Variants in ACTR3C observed in about 807,000 individuals in gnomAD.
ACTR3C encodes actin-related protein 3C.
ACTR3C carries 18 observed loss-of-function variants against 26.3 expected under a neutral mutation model. The ratio of observed to expected loss-of-function variants is 0.68; its 90% confidence interval spans 0.47 to 1.01. The LOEUF (loss-of-function observed/expected upper bound fraction) is 1.01, where lower values mean the gene tolerates loss of function less well. Among genes scored for constraint, ACTR3C ranks in the 50% least tolerant of loss-of-function variants. The pLI, the probability that ACTR3C is intolerant of heterozygous loss-of-function variation, is 0.00. For synonymous variants in ACTR3C, 55 were observed against 94.5 expected (o/e 0.58, Z 2.42); for missense variants, 184 against 250.7 (o/e 0.73, Z 1.80).
chr7:150,179,851 T>C, the ACTR3C span, among the ~76,000 whole-genome samples: 1 of 151,654 alleles, frequency 6.6e-6, no homozygotes, highest in East Asian at 1.9e-4. Flanking sequence ...AAAATGCTTT[T>C]CTTAACCACA....
In ACTR3C at chr7:150,272,249, T is replaced by C. The variant is rs1304658036; in HGVS notation, c.564+12504A>G. On this transcript the variant is annotated intron_variant, in intron 6 of 7. Coordinates refer to ENST00000683684, the MANE Select transcript of ACTR3C (RefSeq NM_001164458.2). ...ATTCAGCAGGAGTCTTGATGGGAGA[T>C]TAAACACAAGGAGACGTCCCCCGAG... Among the ~76,000 whole-genome samples the C allele has an allele frequency of 2.9e-5, 4 of 139,032 alleles. 1 individual carries two copies. Among genetic ancestry groups the C allele is most frequent in the South Asian group, 2.5e-4 (1 of 4,020 alleles). 91.2% of individuals were successfully genotyped at this position (139,032 alleles called of 152,430 possible).
the ACTR3C span, among the ~76,000 whole-genome samples, chr7:150,038,038 AT>A: frequency 4.5e-4 from 59 of 130,468 alleles, 5 homozygotes; most frequent in African/African-American, 1.5e-3. Context: ...CCCAAGAGCC[AT>A]GGGGGGAAGA....
intron 6 of ACTR3C, among the ~76,000 whole-genome samples, chr7:150,276,826 C>T (rs1834926610): frequency 6.6e-6 from 1 of 152,274 alleles, no homozygotes; most frequent in Admixed American, 6.5e-5. Flanking sequence ...CTTAACAGGG[C>T]CCCCTGGCTT....
the ACTR3C span, among the ~76,000 whole-genome samples, chr7:150,035,014 GC>G: frequency 6.6e-4 from 94 of 143,372 alleles, 2 homozygotes; most frequent in African/African-American, 2.2e-3. Flanking sequence ...GGTCCTCAGA[GC>G]CAGGGGGGGA....
At chr7:150,256,336 G>A (rs902241985) in intron 6 of ACTR3C, among the ~76,000 whole-genome samples, 9 of 152,212 alleles carry the variant, frequency 5.9e-5, no homozygotes, top group African/African-American at 2.2e-4. Context: ...TAAGTTCTTT[G>A]AGAAATCTCC....
chr7:149,939,787 C>A, the ACTR3C span, among the ~76,000 whole-genome samples: 1 of 146,278 alleles, frequency 6.8e-6, no homozygotes, highest in African/African-American at 2.5e-5. Flanking sequence ...ATCGTGACTC[C>A]GCAATACAGC....
the ACTR3C span, among the ~76,000 whole-genome samples, chr7:149,955,635 T>C: frequency 0.073 from 11,063 of 151,230 alleles, 1,216 homozygotes; most frequent in African/African-American, 0.24. Context: ...AATTTTAATT[T>C]GCCAGAAGGC....
the ACTR3C span, among the ~76,000 whole-genome samples, chr7:149,898,603 C>T: frequency 6.8e-6 from 1 of 147,594 alleles, no homozygotes; most frequent in Admixed American, 6.8e-5. Flanking sequence ...ACTCAGGAGG[C>T]TGAGTGAGAC....
chr7:150,042,304 G>T, the ACTR3C span, among the ~76,000 whole-genome samples: 1 of 93,428 alleles, frequency 1.1e-5, no homozygotes, highest in South Asian at 3.9e-4. Context: ...CAGAGCCAGG[G>T]GGGGAAGAGG....
At chr7:150,246,193 T>C (rs1475364190), downstream of ACTR3C, 1 of 152,190 alleles carries the variant, frequency 6.6e-6, no homozygotes, top group Non-Finnish European at 1.5e-5. Flanking sequence ...CTTAACACAA[T>C]TTTCTTATGT....
the ACTR3C span, among the ~76,000 whole-genome samples, chr7:150,101,675 T>A: frequency 6.6e-6 from 1 of 151,754 alleles, no homozygotes; most frequent in East Asian, 1.9e-4. Flanking sequence ...GCCAGCCACG[T>A]TAAGTCACTT....
At chr7:149,996,764 T>A in the ACTR3C span, among the ~76,000 whole-genome samples, 1 of 148,816 alleles carries the variant, frequency 6.7e-6, no homozygotes, top group Admixed American at 6.7e-5. Flanking sequence ...TTCTCAGCAT[T>A]CCCAATCTAA....
chr7:150,077,470 C>A, the ACTR3C span, among the ~76,000 whole-genome samples: 1 of 152,132 alleles, frequency 6.6e-6, no homozygotes, highest in Admixed American at 6.5e-5. Flanking sequence ...TGTCACTTCC[C>A]AGGCAGGGTT....
chr7:149,982,080 C>A, the ACTR3C span, among the ~76,000 whole-genome samples: 1 of 152,176 alleles, frequency 6.6e-6, no homozygotes, highest in Admixed American at 6.5e-5. Context: ...AAAAAGACTG[C>A]AGAAGCCTCC....
At chr7:150,244,137 T>C (rs1378966050), downstream of ACTR3C, 4 of 121,160 alleles carry the variant, frequency 3.3e-5, no homozygotes, top group Non-Finnish European at 6.5e-5. Context: ...TCTTAGAATA[T>C]TGAATATTCA....
intron 1 of ACTR3C, among the ~76,000 whole-genome samples, chr7:150,296,292 A>G (rs1020785388): frequency 6.6e-6 from 1 of 150,572 alleles, no homozygotes; most frequent in Non-Finnish European, 1.5e-5. Flanking sequence ...AGACTACATG[A>G]ACCAAGATTG....
the ACTR3C span, among the ~76,000 whole-genome samples, chr7:150,035,194 CG>C: frequency 8.1e-6 from 1 of 122,746 alleles, no homozygotes; most frequent in African/African-American, 3.2e-5. Flanking sequence ...TCTCAGTCCC[CG>C]CCTCACGGGG....
the ACTR3C span, among the ~76,000 whole-genome samples, chr7:149,929,587 A>G: frequency 6.7e-5 from 9 of 135,296 alleles, no homozygotes; most frequent in Non-Finnish European, 1.2e-4. Flanking sequence ...GCTGGAGTGC[A>G]GTGGCCCGAT....
the ACTR3C span, among the ~76,000 whole-genome samples, chr7:149,901,778 G>A: frequency 1.3e-5 from 2 of 151,862 alleles, no homozygotes; most frequent in African/African-American, 4.8e-5. Context: ...GCCAGGCATG[G>A]TGGCACATGT....
Sources: allele counts gnomAD v4.1 joint callset (sites outside exome capture counted in the v4.1 genomes callset), GRCh38; gene constraint gnomAD v4.1.1; transcripts MANE v1.5; gene names NCBI Gene and HGNC (gene_info 2026-07-23, HGNC 2026-07-21).